Variants in IPCEF1 observed in about 807,000 individuals in gnomAD.
IPCEF1 encodes the protein interaction protein for cytohesin exchange factors 1.
In IPCEF1, 31 loss-of-function variants were observed where a neutral mutation model predicts 50.9. That is an observed-to-expected ratio of 0.61 (90% CI 0.46 to 0.82). The LOEUF is 0.82. IPCEF1 is among the 40% of genes least tolerant of loss of function. IPCEF1 has a pLI of 0.00. For missense variants in IPCEF1, 458 were observed against 514.0 expected, an observed-to-expected ratio of 0.89 and a Z score of 1.05; for synonymous variants, 181 against 192.0, an observed-to-expected ratio of 0.94 and a Z score of 0.47.
chr6:154,263,455 G>A (rs1246670268), intron 3 of IPCEF1, among the ~76,000 whole-genome samples: 1 of 125,342 alleles, frequency 8.0e-6, no homozygotes, highest in Non-Finnish European at 1.7e-5. Context: ...CTCTTAAGGA[G>A]CATGCTGCCT....
At chr6:154,233,967 G>C (rs1035936499) in intron 5 of IPCEF1, among the ~76,000 whole-genome samples, 1 of 152,200 alleles carries the variant, frequency 6.6e-6, no homozygotes, top group African/African-American at 2.4e-5. Flanking sequence ...TCGGCACTTT[G>C]AGAGGCCAAA....
At chr6:154,303,930 T>A (rs897828498) in intron 1 of IPCEF1, among the ~76,000 whole-genome samples, 2 of 151,200 alleles carry the variant, frequency 1.3e-5, no homozygotes, top group African/African-American at 4.9e-5. Context: ...ATAAAAAAAA[T>A]AAAATGCACT....
At chr6:154,180,412 A>AT (rs1301879776) in intron 10 of IPCEF1, among the ~76,000 whole-genome samples, 921 of 50,704 alleles carry the variant, frequency 0.018, 6 homozygotes, top group Middle Eastern at 0.042. Flanking sequence ...ATATATATAT[A>AT]TATTTTTTTT....
At position 154,321,778 on chromosome 6, in the gene IPCEF1, T is replaced by TAAAAAAAAA. The variant is rs61648946; in HGVS notation, c.-61-32031_-61-32023dup. Among the ~76,000 whole-genome samples, 211 of 51,922 alleles carry TAAAAAAAAA rather than the reference T, an allele frequency of 4.1e-3. 3 individuals carry two copies. Among genetic ancestry groups the TAAAAAAAAA allele is most frequent in the Middle Eastern group, 0.019 (1 of 52 alleles). 34.1% of individuals were successfully genotyped at this position (51,922 alleles called of 152,430 possible). On this transcript the variant is annotated intron_variant, in intron 1 of 11. Coordinates refer to ENST00000367220, the MANE Select transcript of IPCEF1 (RefSeq NM_001130700.2). Reference sequence around the variant, plus strand: ...CTGGGTGACAGAGAGAGACTCTTTCTAAAAAAAAAAAAAAAAAAAAAAAAA... The same window carrying TAAAAAAAAA: ...CTGGGTGACAGAGAGAGACTCTTTCTAAAAAAAAAAAAAAAAAAAAAAAAAAAAAAAAAA...
chr6:154,355,285 C>G (rs1302807795), intron 1 of IPCEF1, among the ~76,000 whole-genome samples: 1 of 152,150 alleles, frequency 6.6e-6, no homozygotes, highest in Non-Finnish European at 1.5e-5. Flanking sequence ...TTGCTTAACA[C>G]AGCTTGCCTG....
intron 10 of IPCEF1, among the ~76,000 whole-genome samples, chr6:154,183,002 C>T (rs143006122): frequency 4.7e-4 from 71 of 150,918 alleles, no homozygotes; most frequent in Admixed American, 2.7e-3. Flanking sequence ...TTTTTTGAGA[C>T]GGACTCTCGC....
chr6:154,176,870 T>C lies in IPCEF1; in HGVS notation c.911-8757A>G, dbSNP rs572331699. Among the ~76,000 whole-genome samples the C allele has an allele frequency of 2.5e-4, 38 of 152,270 alleles. No homozygotes were observed. In the South Asian group the frequency reaches 7.0e-3, roughly 28 times the overall value. ...AAAAAGAACAAAGCTGGAGGCATCA[T>C]GCTACCTGACTTCAAACTATACCAC... On this transcript the variant is annotated intron_variant, in intron 10 of 11. Coordinates refer to ENST00000367220, the MANE Select transcript of IPCEF1 (RefSeq NM_001130700.2).
At chr6:154,212,936 T>G (rs770790319) in intron 8 of IPCEF1, 81 bp from the exon 9 acceptor site, 2 of 946,710 alleles carry the variant, frequency 2.1e-6, no homozygotes, top group Non-Finnish European at 1.7e-6. Flanking sequence ...TTTATCTCCA[T>G]CTGGCTATTG....
intron 1 of IPCEF1, among the ~76,000 whole-genome samples, chr6:154,306,355 C>T (rs1245796563): frequency 2.0e-5 from 3 of 151,726 alleles, no homozygotes; most frequent in Non-Finnish European, 4.4e-5. Context: ...CCTTTCATTT[C>T]TTTTTATTTT....
chr6:154,164,852 T>C (rs1471370980), intron 11 of IPCEF1, among the ~76,000 whole-genome samples: 1 of 152,200 alleles, frequency 6.6e-6, no homozygotes, highest in Non-Finnish European at 1.5e-5. Flanking sequence ...CTGTTAGAAA[T>C]TCCTAAATAT....
rs772528669 is a variant in IPCEF1 at position 154,199,946 on chromosome 6, A to G, written c.632T>C (p.Phe211Ser). The change falls in exon 10 of 12, where the codon TTT (phenylalanine) becomes TCT (serine). Residue 211 changes from phenylalanine (F) to serine (S), a missense_variant. Physicochemically the swap from Phe to Ser is radical, Grantham distance 155. Coordinates refer to ENST00000367220, the MANE Select transcript of IPCEF1 (RefSeq NM_001130700.2). Reference sequence around the variant, plus strand: ...TCTCTCTTTAGATAAGGAGGAAGGAAAACTGCTGGGTGTCTTCACTGTATT... The same window carrying G: ...TCTCTCTTTAGATAAGGAGGAAGGAGAACTGCTGGGTGTCTTCACTGTATT... Reference protein sequence around the residue: ...LENTVKTPSSFPSSLSKERQS... With the variant: ...LENTVKTPSSSPSSLSKERQS... The G allele has an allele frequency of 5.6e-6, 9 of 1,614,108 alleles. No homozygotes were observed. The highest frequency in any genetic ancestry group is 1.7e-5 in the Admixed American group (1 of 60,008).
At chr6:154,249,861 G>C (rs145454058) in intron 3 of IPCEF1, among the ~76,000 whole-genome samples, 2 of 151,704 alleles carry the variant, frequency 1.3e-5, no homozygotes, top group Non-Finnish European at 2.9e-5. Flanking sequence ...CCTAGGATGG[G>C]ATGAGAACAA....
chr6:154,328,203 C>T (rs554498751), intron 1 of IPCEF1, among the ~76,000 whole-genome samples: 61 of 152,182 alleles, frequency 4.0e-4, no homozygotes, highest in Non-Finnish European at 6.0e-4. Flanking sequence ...ACATCCTGTA[C>T]GTGCACCCCT....
intron 2 of IPCEF1, among the ~76,000 whole-genome samples, chr6:154,287,321 T>C (rs1328567699): frequency 1.3e-5 from 2 of 152,106 alleles, no homozygotes; most frequent in Non-Finnish European, 2.9e-5. Context: ...CCTTTCTTTA[T>C]AAATTTCTCA....
chr6:154,268,529 C>T (rs752762619), intron 2 of IPCEF1, among the ~76,000 whole-genome samples: 1 of 152,230 alleles, frequency 6.6e-6, no homozygotes, highest in Non-Finnish European at 1.5e-5. Context: ...GCAAGAACAT[C>T]CTAACTGATG....
intron 3 of IPCEF1, among the ~76,000 whole-genome samples, chr6:154,248,338 TAGAG>T (rs1429673595): frequency 6.4e-4 from 96 of 149,096 alleles, no homozygotes; most frequent in Middle Eastern, 3.4e-3. Context: ...TGTGTGTGTG[TAGAG>T]AGAGAGAAAA....
intron 1 of IPCEF1, among the ~76,000 whole-genome samples, chr6:154,349,207 A>G (rs1454720850): frequency 2.7e-5 from 4 of 150,364 alleles, no homozygotes; most frequent in Admixed American, 6.6e-5. Context: ...TATTATTATT[A>G]TTGAGACAGG....
intron 1 of IPCEF1, among the ~76,000 whole-genome samples, chr6:154,343,270 C>G (rs1484312366): frequency 2.0e-5 from 3 of 152,156 alleles, no homozygotes; most frequent in Non-Finnish European, 2.9e-5. Context: ...AAAGCCACTG[C>G]ATCTTTTTGT....
chr6:154,231,962 T>C (rs1408492635), intron 5 of IPCEF1, among the ~76,000 whole-genome samples: 8 of 152,236 alleles, frequency 5.3e-5, no homozygotes, highest in Non-Finnish European at 1.0e-4. Flanking sequence ...ACTTAAGAAC[T>C]TTGACTATAC....
Sources: gnomAD v4.1 joint callset for allele counts (sites outside exome capture counted in the v4.1 genomes callset) on GRCh38, gnomAD v4.1.1 for gene constraint, MANE v1.5 for transcripts, NCBI Gene and HGNC (gene_info 2026-07-23, HGNC 2026-07-21) for gene names.